The following ZZZ3 variants were observed in gnomAD, a reference collection of about 807,000 sequenced individuals.
ZZZ3 encodes the protein ZZ-type zinc finger-containing protein 3.
Under a neutral mutation model 95.2 loss-of-function variants are expected in ZZZ3, and 22 were observed. The observed-to-expected ratio is 0.23, with a 90% CI of 0.17 to 0.33. ZZZ3 has a LOEUF of 0.33. Among genes scored for constraint, ZZZ3 ranks in the 10% least tolerant of loss-of-function variants. The probability of loss-of-function intolerance (pLI) is 1.00; values close to 1 mark genes in which losing one functional copy is unlikely to be tolerated. For missense variants in ZZZ3, 885 were observed against 1,066.5 expected (o/e 0.83, Z 2.37); for synonymous variants, 335 against 358.9 (o/e 0.93, Z 0.75).
intron 1 of ZZZ3, among the ~76,000 whole-genome samples, chr1:77,646,826 G>C (rs899934239): frequency 6.6e-6 from 1 of 152,192 alleles, no homozygotes; most frequent in African/African-American, 2.4e-5. Flanking sequence ...GAGAAAGGAA[G>C]GTGTCCCAAG....
chr1:77,625,788 G>A (rs977817331), intron 5 of ZZZ3, among the ~76,000 whole-genome samples: 34 of 151,282 alleles, frequency 2.2e-4, no homozygotes, highest in African/African-American at 6.8e-4. Flanking sequence ...TCAGGAGTTC[G>A]AGACCAGCCT....
At chr1:77,609,636 G>A (rs1414911321) in intron 5 of ZZZ3, among the ~76,000 whole-genome samples, 1 of 151,998 alleles carries the variant, frequency 6.6e-6, no homozygotes, top group African/African-American at 2.4e-5. Flanking sequence ...AATATGTTAG[G>A]TCACAAAACA....
rs1667885700 is a variant in ZZZ3 at position 77,632,351 on chromosome 1, G to A, written c.1004C>T (p.Thr335Ile). 6.2e-7 allele frequency: 1 copy of A among 1,613,990 alleles called. No individual in the cohort carries two copies. The highest frequency in any genetic ancestry group is 1.3e-5 in the African/African-American group (1 of 74,916). The change falls in exon 5 of 15, where the codon ACC becomes ATC. Residue 335 changes from threonine (T) to isoleucine (I), a missense_variant. Physicochemically the swap from Thr to Ile is moderately conservative, Grantham distance 89. Around this residue, in one of 5 missense-constraint regions of ZZZ3, gnomAD observed 556 missense variants for 652.9 expected, o/e 0.85. Coordinates refer to ENST00000370801, the MANE Select transcript of ZZZ3 (RefSeq NM_015534.6). ...SASKEQCKEN[T>I]NNELDTSLES... Reference sequence around the variant, plus strand: ...AAGACTTGTGTCCAGTTCGTTATTGGTGTTTTCTTTACACTGCTCTTTTGA... The same window carrying A: ...AAGACTTGTGTCCAGTTCGTTATTGATGTTTTCTTTACACTGCTCTTTTGA...
chr1:77,674,600 C>T (rs1672087668), intron 1 of ZZZ3, among the ~76,000 whole-genome samples: 1 of 152,016 alleles, frequency 6.6e-6, no homozygotes, highest in South Asian at 2.1e-4. Flanking sequence ...GTGTATTATA[C>T]TTTAATTGTA....
intron 5 of ZZZ3, among the ~76,000 whole-genome samples, chr1:77,615,858 T>C (rs907790904): frequency 6.6e-6 from 1 of 152,166 alleles, no homozygotes; most frequent in African/African-American, 2.4e-5. Flanking sequence ...GGTAATTCAG[T>C]AGTGCTACCT....
chr1:77,671,014 G>A (rs577729163), intron 1 of ZZZ3, among the ~76,000 whole-genome samples: 3 of 150,328 alleles, frequency 2.0e-5, no homozygotes, highest in African/African-American at 2.5e-5. Context: ...TTTTGGGGGG[G>A]TGGTGGGGGT....
intron 5 of ZZZ3, among the ~76,000 whole-genome samples, chr1:77,601,237 CCTACCAAACCGA>C (rs1664698320): frequency 1.3e-5 from 2 of 152,212 alleles, no homozygotes; most frequent in South Asian, 4.2e-4. Flanking sequence ...GAGGGTATGA[CCTACCAAACCGA>C]CTACTAATGA....
chr1:77,626,370 T>C (rs1234167965), intron 5 of ZZZ3, among the ~76,000 whole-genome samples: 2 of 152,198 alleles, frequency 1.3e-5, no homozygotes, highest in East Asian at 3.8e-4. Context: ...GAAATAATTA[T>C]ACAACTCACC....
Position 77,639,622 on chromosome 1 carries a change from A to T in ZZZ3, c.-205-20T>A. ...ATTTTTCTTTAAAATAAAATAATGAAAAAAAAGGATTAAAGAAGATGATGA... is the reference window on the plus strand; with the variant it reads ...ATTTTTCTTTAAAATAAAATAATGATAAAAAAGGATTAAAGAAGATGATGA... On this transcript the variant is annotated intron_variant, in intron 3 of 14. Coordinates refer to ENST00000370801, the MANE Select transcript of ZZZ3 (RefSeq NM_015534.6). The T allele has an allele frequency of 4.4e-6, 2 of 456,086 alleles. No homozygotes were observed. 28.3% of individuals were successfully genotyped at this position (456,086 alleles called of 1,614,324 possible). A position where few individuals can be genotyped will look rare whatever the true frequency, so the allele number is the denominator to read the frequency against.
chr1:77,593,447 G>T (rs1234124355), intron 5 of ZZZ3, among the ~76,000 whole-genome samples: 3 of 151,980 alleles, frequency 2.0e-5, no homozygotes, highest in Admixed American at 2.0e-4. Context: ...GATACAGTAC[G>T]GTTCAAAAGC....
intron 5 of ZZZ3, among the ~76,000 whole-genome samples, chr1:77,595,929 C>T (rs778766267): frequency 1.3e-5 from 2 of 152,038 alleles, no homozygotes; most frequent in Non-Finnish European, 2.9e-5. Flanking sequence ...GATACGAATA[C>T]TTGCTACGTA....
rs563338609 is a variant in ZZZ3, at chr1:77,658,847, A to C, written c.-402-17192T>G. On this transcript the variant is annotated intron_variant, in intron 1 of 14. Transcript: ENST00000370801. ...TACCTTAAAACAGACTTATTGGGTC[A>C]CAGCATATAAATGTTTCCATCCTTG... is the stretch of plus-strand genomic sequence containing the variant. Among the ~76,000 whole-genome samples the C allele has an allele frequency of 2.0e-5, 3 of 152,362 alleles. No homozygotes were observed. The East Asian group carries it at 5.8e-4, about 29-fold the overall frequency.
At chr1:77,662,842 C>A (rs568178592) in intron 1 of ZZZ3, among the ~76,000 whole-genome samples, 2 of 152,080 alleles carry the variant, frequency 1.3e-5, no homozygotes, top group Non-Finnish European at 2.9e-5. Flanking sequence ...CTGTGGCTCA[C>A]GCCTGTAATC....
intron 6 of ZZZ3, among the ~76,000 whole-genome samples, 170 bp from the exon 7 acceptor site, chr1:77,582,296 T>C (rs1381125328): frequency 2.0e-5 from 3 of 152,220 alleles, no homozygotes; most frequent in Non-Finnish European, 4.4e-5. Context: ...AGTCTAAATA[T>C]TAAATGCTAA....
intron 1 of ZZZ3, among the ~76,000 whole-genome samples, chr1:77,651,905 T>C (rs1359243062): frequency 2.0e-5 from 3 of 151,408 alleles, no homozygotes; most frequent in Non-Finnish European, 2.9e-5. Flanking sequence ...TAGTCCCAGC[T>C]ACTCTGGGGC....
chr1:77,598,719 G>T (rs889385031), intron 5 of ZZZ3, among the ~76,000 whole-genome samples: 1 of 152,086 alleles, frequency 6.6e-6, no homozygotes, highest in African/African-American at 2.4e-5. Flanking sequence ...TCAACAATTT[G>T]TAAATAATTC....
At chr1:77,641,898 T>C (rs919214271) in intron 1 of ZZZ3, among the ~76,000 whole-genome samples, 5 of 152,202 alleles carry the variant, frequency 3.3e-5, no homozygotes, top group African/African-American at 1.2e-4. Flanking sequence ...AATTCCATAC[T>C]TAAACCCTTA....
At chr1:77,584,185 A>G (rs973017862) in intron 6 of ZZZ3, among the ~76,000 whole-genome samples, 1 of 152,152 alleles carries the variant, frequency 6.6e-6, no homozygotes, top group African/African-American at 2.4e-5. Context: ...TTTTAGCTTT[A>G]TTAATCCCTA....
chr1:77,583,990 G>A (rs2100571110), intron 6 of ZZZ3, among the ~76,000 whole-genome samples: 1 of 152,176 alleles, frequency 6.6e-6, no homozygotes, highest in South Asian at 2.1e-4. Context: ...CTTAAAAAAA[G>A]CATTTTAAAA....
Sources: gnomAD v4.1 joint callset for allele counts (sites outside exome capture counted in the v4.1 genomes callset) on GRCh38, gnomAD v4.1.1 for gene constraint, gnomAD v4.1.1 regional missense constraint, MANE v1.5 for transcripts, NCBI Gene and HGNC (gene_info 2026-07-23, HGNC 2026-07-21) for gene names.